The following CSRNP3 variants were observed in gnomAD, a reference collection of about 807,000 sequenced individuals.
CSRNP3 encodes cysteine/serine-rich nuclear protein 3.
CSRNP3 carries 12 observed loss-of-function variants against 48.0 expected under a neutral mutation model. That is an observed-to-expected ratio of 0.25 (90% confidence interval 0.16 to 0.41). CSRNP3 has a LOEUF of 0.41. Among genes scored for constraint, CSRNP3 ranks in the 10% least tolerant of loss-of-function variants. The pLI, the probability that CSRNP3 is intolerant of heterozygous loss-of-function variation, is 1.00. For missense variants in CSRNP3, 580 were observed against 724.4 expected (o/e 0.80, Z 2.29); for synonymous variants, 263 against 269.7 (o/e 0.98, Z 0.24).
At chr2:165,560,709 T>C (rs536991104) in intron 3 of CSRNP3, among the ~76,000 whole-genome samples, 2 of 152,308 alleles carry the variant, frequency 1.3e-5, no homozygotes, top group African/African-American at 2.4e-5. Context: ...GCAAAGCAGT[T>C]CAGTAATCAG....
rs1305729006 is a variant in CSRNP3, at chr2:165,686,276, C to T, written c.*6523C>T. 1 of 152,072 alleles carries T rather than the reference C, an allele frequency of 6.6e-6. No individual in the cohort carries two copies. Among genetic ancestry groups the T allele is most frequent in the Non-Finnish European group, 1.5e-5 (1 of 67,978 alleles). 9.4% of individuals were successfully genotyped at this position (152,072 alleles called of 1,614,324 possible). ...GATAAGGCCACTACCCCCGACCCTT[C>T]TTGTCAGGGACATGGCTTCCTAATA... is the stretch of plus-strand genomic sequence containing the variant. On this transcript the variant is annotated 3_prime_UTR_variant, in exon 7 of 7. Transcript: ENST00000651982.
At chr2:165,513,988 A>T (rs763573506) in intron 2 of CSRNP3, among the ~76,000 whole-genome samples, 1 of 152,348 alleles carries the variant, frequency 6.6e-6, no homozygotes, top group Non-Finnish European at 1.5e-5. Flanking sequence ...TAAGAGTTAG[A>T]TGCACATTTC....
intron 4 of CSRNP3, among the ~76,000 whole-genome samples, chr2:165,600,291 C>T (rs1213981760): frequency 6.7e-6 from 1 of 148,498 alleles, no homozygotes; most frequent in African/African-American, 2.5e-5. Context: ...TCATAGTATT[C>T]CATGGTGTAT....
At position 165,605,878 on chromosome 2, in the gene CSRNP3, A is replaced by C. The variant is rs117588540; in HGVS notation, c.148+10665A>C. Among the ~76,000 whole-genome samples the C allele has an allele frequency of 8.5e-5, 13 of 152,254 alleles. No homozygotes were observed. The East Asian group carries it at 2.5e-3, about 29-fold the overall frequency. On this transcript the variant is annotated intron_variant, in intron 4 of 6. Coordinates refer to ENST00000651982, the MANE Select transcript of CSRNP3 (RefSeq NM_001172173.2). Reference sequence around the variant, plus strand: ...AGATCTCAATACTTGAAAAGCTGAAATAGTTTAAAACCCATGGAATTAGCT... The same window carrying C: ...AGATCTCAATACTTGAAAAGCTGAACTAGTTTAAAACCCATGGAATTAGCT...
rs1282055871 is a variant in CSRNP3, at chr2:165,685,627, C to T, written c.*5874C>T. On this transcript the variant is annotated 3_prime_UTR_variant, in exon 7 of 7. Transcript: ENST00000651982. ...GAGGTCATTTCAAAGATGTAAGTCA[C>T]GTTGGTGACTACTTTCTTTTACTTG... 3 of 152,038 alleles carry T rather than the reference C, an allele frequency of 2.0e-5. No homozygotes were observed. Among genetic ancestry groups the T allele is most frequent in the Non-Finnish European group, 4.4e-5 (3 of 67,982 alleles). The allele number at this position is 152,038 out of a possible 1,614,324, so 9.4% of individuals were successfully genotyped here.
intron 3 of CSRNP3, among the ~76,000 whole-genome samples, chr2:165,590,969 G>A (rs755032483): frequency 9.2e-5 from 14 of 152,156 alleles, no homozygotes; most frequent in Admixed American, 2.0e-4. Flanking sequence ...TGGGTAACAG[G>A]CAGAGGTTGC....
intron 3 of CSRNP3, among the ~76,000 whole-genome samples, chr2:165,519,817 T>C (rs1684628323): frequency 6.6e-6 from 1 of 152,268 alleles, no homozygotes. Flanking sequence ...GTTTGATGCT[T>C]GTAAGTACCA....
chr2:165,543,167 C>T (rs776592460), intron 3 of CSRNP3, among the ~76,000 whole-genome samples: 2 of 152,124 alleles, frequency 1.3e-5, no homozygotes, highest in Non-Finnish European at 2.9e-5. Flanking sequence ...GACCAGGTTG[C>T]CTCATCTGTC....
chr2:165,594,780 G>A (rs1400416951), intron 3 of CSRNP3, among the ~76,000 whole-genome samples: 1 of 151,798 alleles, frequency 6.6e-6, no homozygotes, highest in African/African-American at 2.4e-5. Context: ...CCAATAAAAA[G>A]GAATAATGAT....
chr2:165,562,214 A>G (rs1685243813), intron 3 of CSRNP3, among the ~76,000 whole-genome samples: 1 of 152,236 alleles, frequency 6.6e-6, no homozygotes, highest in South Asian at 2.1e-4. Context: ...GCAAAATCAC[A>G]GAACTGGTCT....
At position 165,681,329 on chromosome 2, in the gene CSRNP3, A is replaced by G. The variant is rs1687534039; in HGVS notation, c.*1576A>G. ...GAAATGCGGACATGACTTGCTATTC[A>G]GTGACTGCATCGCTACTTATTTTTT... is the stretch of plus-strand genomic sequence containing the variant. On this transcript the variant is annotated 3_prime_UTR_variant, in exon 7 of 7. Transcript: ENST00000651982. 1 of 152,098 alleles carries G rather than the reference A, an allele frequency of 6.6e-6. No homozygotes were observed. Among genetic ancestry groups the G allele is most frequent in the Admixed American group, 6.6e-5 (1 of 15,246 alleles). The allele number at this position is 152,098 out of a possible 1,614,324, so 9.4% of individuals were successfully genotyped here. A position where few individuals can be genotyped will look rare whatever the true frequency, so the allele number is the denominator to read the frequency against.
chr2:165,515,801 C>CTTTTTTT (rs532831528), intron 2 of CSRNP3, among the ~76,000 whole-genome samples: 1 of 106,090 alleles, frequency 9.4e-6, no homozygotes, highest in Non-Finnish European at 1.8e-5. Flanking sequence ...CTTTTCCTTT[C>CTTTTTTT]TTTTTTTTTT....
At chr2:165,512,976 G>A (rs770481518) in intron 2 of CSRNP3, among the ~76,000 whole-genome samples, 14 of 152,160 alleles carry the variant, frequency 9.2e-5, no homozygotes, top group African/African-American at 1.4e-4. Context: ...GTGGTGGCAC[G>A]CGCCTGTAGT....
intron 1 of CSRNP3, among the ~76,000 whole-genome samples, chr2:165,477,869 T>C (rs905762990): frequency 6.6e-6 from 1 of 151,802 alleles, no homozygotes; most frequent in African/African-American, 2.4e-5. Context: ...CCCAGCTACC[T>C]GGGAGGCCAA....
At chr2:165,482,265 C>CTTTT (rs5836042) in intron 1 of CSRNP3, among the ~76,000 whole-genome samples, 3 of 143,280 alleles carry the variant, frequency 2.1e-5, no homozygotes, top group Non-Finnish European at 4.6e-5. Context: ...AAGAGATGTG[C>CTTTT]TTTTTTTTTT....
intron 2 of CSRNP3, among the ~76,000 whole-genome samples, chr2:165,499,743 G>A (rs1196712351): frequency 1.3e-5 from 2 of 152,008 alleles, no homozygotes; most frequent in East Asian, 1.9e-4. Context: ...AAACCAAAAA[G>A]ATAACTTGCT....
chr2:165,478,195 C>T (rs1683994098), intron 1 of CSRNP3, among the ~76,000 whole-genome samples: 1 of 152,140 alleles, frequency 6.6e-6, no homozygotes, highest in African/African-American at 2.4e-5. Context: ...ATTTTTAAGA[C>T]AGATGTATAT....
At chr2:165,658,070 T>G in intron 5 of CSRNP3, 50 bp downstream of exon 5, 1 of 1,571,562 alleles carries the variant, frequency 6.4e-7, no homozygotes, top group Non-Finnish European at 8.7e-7. Flanking sequence ...TACAGCAATT[T>G]GATTGAGTTA....
intron 3 of CSRNP3, among the ~76,000 whole-genome samples, chr2:165,594,235 A>T (rs943784697): frequency 6.6e-6 from 1 of 152,222 alleles, no homozygotes. Flanking sequence ...GATCACATAC[A>T]TGTATCTAAG....
Sources: gnomAD v4.1 joint callset for allele counts (sites outside exome capture counted in the v4.1 genomes callset) on GRCh38, gnomAD v4.1.1 for gene constraint, MANE v1.5 for transcripts, NCBI Gene and HGNC (gene_info 2026-07-23, HGNC 2026-07-21) for gene names.